Variants in TENM2 observed in about 807,000 individuals in gnomAD.
The protein encoded by TENM2 is teneurin transmembrane protein 2, also known as teneurin-2.
TENM2 carries 52 observed loss-of-function variants against 245.2 expected under a neutral mutation model. The ratio of observed to expected loss-of-function variants is 0.21; its 90% CI spans 0.17 to 0.27. TENM2 has a LOEUF of 0.27. Ranked by LOEUF, TENM2 falls within the 10% of genes least tolerant of loss-of-function variation. TENM2 has a pLI of 1.00. For missense variants in TENM2, 3,046 were observed against 3,666.8 expected, an observed-to-expected ratio of 0.83 and a Z score of 4.37; for synonymous variants, 1,363 against 1,438.9, an observed-to-expected ratio of 0.95 and a Z score of 1.19.
intron 2 of TENM2, chr5:167,754,967 AGCT>A: frequency 6.5e-7 from 1 of 1,528,886 alleles, no homozygotes; most frequent in Non-Finnish European, 8.8e-7. Context: ...AGAAGGCCTC[AGCT>A]GTGTCAGACT....
At chr5:167,193,421 A>C in the TENM2 span, among the ~76,000 whole-genome samples, 5 of 151,222 alleles carry the variant, frequency 3.3e-5, no homozygotes, top group African/African-American at 1.2e-4. Flanking sequence ...AGCTCACTTT[A>C]AGTGGAGACT....
the TENM2 span, among the ~76,000 whole-genome samples, chr5:167,263,263 TAATGCTAGCCTTGTAAGG>T: frequency 0.11 from 16,239 of 152,236 alleles, 1,030 homozygotes; most frequent in East Asian, 0.25. Flanking sequence ...TTTCTCCTTA[TAATGCTAGCCTTGTAAGG>T]CAAGCATTAT....
At chr5:167,141,798 G>A in the TENM2 span, among the ~76,000 whole-genome samples, 6 of 152,152 alleles carry the variant, frequency 3.9e-5, no homozygotes, top group East Asian at 9.6e-4. Context: ...ACTTGAGGGA[G>A]TTTAGCTCTG....
chr5:167,752,073 C>T (rs1015313047), intron 2 of TENM2, among the ~76,000 whole-genome samples: 2 of 151,842 alleles, frequency 1.3e-5, no homozygotes, highest in Admixed American at 6.6e-5. Flanking sequence ...ACAAAGTTCT[C>T]ATGCAGCTCT....
chr5:167,423,688 T>G (rs1763644478), intron 2 of TENM2, among the ~76,000 whole-genome samples: 1 of 152,200 alleles, frequency 6.6e-6, no homozygotes, highest in Non-Finnish European at 1.5e-5. Context: ...AGTCCAGGAC[T>G]TCTTTAAGCA....
At chr5:167,854,809 C>T (rs1770918962) in intron 2 of TENM2, among the ~76,000 whole-genome samples, 1 of 152,130 alleles carries the variant, frequency 6.6e-6, no homozygotes, top group South Asian at 2.1e-4. Context: ...CCCACATTAA[C>T]CCATCAGTCA....
the TENM2 span, among the ~76,000 whole-genome samples, chr5:167,005,008 G>T: frequency 6.6e-6 from 1 of 151,970 alleles, no homozygotes; most frequent in Non-Finnish European, 1.5e-5. Context: ...AATTTTAAAA[G>T]GTCAATATCT....
At chr5:167,078,484 AAACAACAACAACAAC>A in the TENM2 span, among the ~76,000 whole-genome samples, 74 of 54,842 alleles carry the variant, frequency 1.3e-3, no homozygotes, top group African/African-American at 7.0e-3. Context: ...ACTCTGTCTC[AAACAACAACAACAAC>A]AACAACAACA....
chr5:167,605,889 A>G (rs545837045), intron 2 of TENM2, among the ~76,000 whole-genome samples: 8 of 152,310 alleles, frequency 5.3e-5, no homozygotes, highest in African/African-American at 2.4e-5. Context: ...GGTGTCGCCC[A>G]GAAGAGTCTG....
intron 9 of TENM2, among the ~76,000 whole-genome samples, chr5:168,107,596 G>A (rs911776303): frequency 2.6e-5 from 4 of 151,960 alleles, no homozygotes; most frequent in East Asian, 1.9e-4. Flanking sequence ...GCCACATTCC[G>A]AGAATGAAGA....
intron 2 of TENM2, among the ~76,000 whole-genome samples, chr5:167,537,032 A>C (rs1771894444): frequency 6.6e-6 from 1 of 152,102 alleles, no homozygotes; most frequent in Non-Finnish European, 1.5e-5. Context: ...CTCAAAAAAA[A>C]AGATTAGACG....
chr5:167,317,325 G>A (rs759288974), intron 1 of TENM2, among the ~76,000 whole-genome samples: 1 of 151,388 alleles, frequency 6.6e-6, no homozygotes, highest in Non-Finnish European at 1.5e-5. Context: ...TCAATTCTAA[G>A]TCAAATCAGC....
intron 2 of TENM2, among the ~76,000 whole-genome samples, chr5:167,706,315 AAG>A (rs1758520168): frequency 1.4e-5 from 2 of 147,654 alleles, no homozygotes; most frequent in Non-Finnish European, 3.0e-5. Flanking sequence ...CAGTATATAT[AAG>A]AAAATATATA....
chr5:167,971,301 T>C (rs1475841674), intron 4 of TENM2, among the ~76,000 whole-genome samples: 1 of 151,784 alleles, frequency 6.6e-6, no homozygotes, highest in Admixed American at 6.6e-5. Context: ...GATGCAGATA[T>C]GGAAAAAAAT....
chr5:167,214,059 GA>G, the TENM2 span, among the ~76,000 whole-genome samples: 1 of 152,160 alleles, frequency 6.6e-6, no homozygotes, highest in Non-Finnish European at 1.5e-5. Context: ...ATCAACATGG[GA>G]AGAAAAATTT....
intron 2 of TENM2, among the ~76,000 whole-genome samples, chr5:167,746,675 C>CAGAAAGAG (rs1554109849): frequency 8.5e-6 from 1 of 117,096 alleles, no homozygotes; most frequent in African/African-American, 3.1e-5. Context: ...AAATTACCAA[C>CAGAAAGAG]AGAGAGAGAG....
the TENM2 span, among the ~76,000 whole-genome samples, chr5:167,068,013 T>C: frequency 0.012 from 1,867 of 152,330 alleles, 33 homozygotes; most frequent in African/African-American, 0.041. Flanking sequence ...TGGTGGGTTC[T>C]GCACTGCACA....
intron 2 of TENM2, among the ~76,000 whole-genome samples, chr5:167,658,012 T>C (rs1754963195): frequency 6.6e-6 from 1 of 152,198 alleles, no homozygotes; most frequent in African/African-American, 2.4e-5. Context: ...GAAAGTGTTA[T>C]TGCATGCTTG....
intron 2 of TENM2, among the ~76,000 whole-genome samples, chr5:167,824,245 C>T (rs896432425): frequency 2.6e-5 from 4 of 152,142 alleles, no homozygotes; most frequent in African/African-American, 9.7e-5. Flanking sequence ...CTGACAGACC[C>T]CGGGAAGGAA....
Sources: gnomAD v4.1 joint callset for allele counts (sites outside exome capture counted in the v4.1 genomes callset) on GRCh38, gnomAD v4.1.1 for gene constraint, MANE v1.5 for transcripts, NCBI Gene and HGNC (gene_info 2026-07-23, HGNC 2026-07-21) for gene names.